LRRC37A: variants seen among roughly 807,000 people sequenced by gnomAD.
LRRC37A encodes the protein leucine-rich repeat-containing protein 37A.
Under a neutral mutation model 35.4 loss-of-function variants are expected in LRRC37A, and 3 were observed. The ratio of observed to expected loss-of-function variants is 0.08; its 90% CI spans 0.04 to 0.22. The LOEUF (loss-of-function observed/expected upper bound fraction) is 0.22, where lower values mean the gene tolerates loss of function less well. Ranked by LOEUF, LRRC37A falls within the 10% of genes least tolerant of loss-of-function variation. The pLI is 1.00. For synonymous variants in LRRC37A, 23 were observed against 215.0 expected (o/e 0.11, Z 7.81); for missense variants, 67 against 565.3 (o/e 0.12, Z 8.94).
chr17:46,263,326 C>T, the LRRC37A span, among the ~76,000 whole-genome samples: 1 of 151,042 alleles, frequency 6.6e-6, no homozygotes, highest in Non-Finnish European at 1.5e-5. Context: ...CTGAGGTGGG[C>T]AGATTACTTG....
chr17:46,288,696 C>CTTTTTTTTTT (rs2049984588), upstream of LRRC37A, among the ~76,000 whole-genome samples: 2 of 147,994 alleles, frequency 1.4e-5, no homozygotes, highest in Admixed American at 6.8e-5. Context: ...TTTACTGCAT[C>CTTTTTTTTTT]TTGTTTTTTC....
the LRRC37A span, among the ~76,000 whole-genome samples, chr17:46,269,829 A>T: frequency 6.6e-6 from 1 of 152,134 alleles, no homozygotes; most frequent in Non-Finnish European, 1.5e-5. Flanking sequence ...GCACCTGTTT[A>T]TTTTTGTTTT....
chr17:46,271,332 A>ATTTTTTTTTTTTTTTTTTTT, the LRRC37A span, among the ~76,000 whole-genome samples: 1 of 125,664 alleles, frequency 8.0e-6, no homozygotes, highest in Non-Finnish European at 1.6e-5. Context: ...TACCTAGCTA[A>ATTTTTTTTTTTTTTTTTTTT]TTTTTTTTTT....
the LRRC37A span, among the ~76,000 whole-genome samples, chr17:46,277,414 G>A: frequency 6.6e-6 from 1 of 152,220 alleles, no homozygotes; most frequent in African/African-American, 2.4e-5. Flanking sequence ...CACACCCCTT[G>A]GCTTCTACCT....
the LRRC37A span, among the ~76,000 whole-genome samples, chr17:46,257,829 A>G: frequency 6.6e-6 from 1 of 152,046 alleles, no homozygotes; most frequent in African/African-American, 2.4e-5. Context: ...TCAAAAAAAA[A>G]AAAAATGATC....
chr17:46,282,184 G>C, the LRRC37A span, among the ~76,000 whole-genome samples: 1 of 123,410 alleles, frequency 8.1e-6, no homozygotes, highest in African/African-American at 2.6e-5. Context: ...CTCACTGCAA[G>C]CTCTGTCTCC....
chr17:46,253,278 G>A, the LRRC37A span, among the ~76,000 whole-genome samples: 1 of 150,484 alleles, frequency 6.6e-6, no homozygotes, highest in African/African-American at 2.4e-5. Flanking sequence ...ATGGCGGCCG[G>A]GCAGAGACGC....
At chr17:46,291,969 CA>C (rs59554870), upstream of LRRC37A, among the ~76,000 whole-genome samples, 29,329 of 58,604 alleles carry the variant, frequency 0.5, 4,046 homozygotes, top group East Asian at 0.76. Context: ...TCTCAAAAAG[CA>C]AAAAAAAAAA....
upstream of LRRC37A, among the ~76,000 whole-genome samples, chr17:46,291,969 C>CAAAAAAAAAAAAAAAAAAAAAAAA (rs59554870): frequency 5.2e-5 from 3 of 58,086 alleles, no homozygotes; most frequent in South Asian, 8.1e-4. Flanking sequence ...TCTCAAAAAG[C>CAAAAAAAAAAAAAAAAAAAAAAAA]AAAAAAAAAA....
the LRRC37A span, chr17:46,260,373 C>G: frequency 6.8e-7 from 1 of 1,479,500 alleles, no homozygotes; most frequent in Admixed American, 2.2e-5. Context: ...CTCGTAGAGG[C>G]GGCCCACGCG....
chr17:46,281,936 G>A, the LRRC37A span, among the ~76,000 whole-genome samples: 287 of 151,872 alleles, frequency 1.9e-3, 2 homozygotes, highest in African/African-American at 3.6e-3. Flanking sequence ...GAGCCATCAC[G>A]CCTAGCCTAG....
the LRRC37A span, among the ~76,000 whole-genome samples, chr17:46,270,043 T>C: frequency 6.6e-6 from 1 of 152,220 alleles, no homozygotes; most frequent in East Asian, 1.9e-4. Context: ...ATGAGAGTAT[T>C]TTTTCAGAAG....
the LRRC37A span, among the ~76,000 whole-genome samples, chr17:46,257,342 G>A: frequency 6.6e-6 from 1 of 151,758 alleles, no homozygotes; most frequent in South Asian, 2.1e-4. Flanking sequence ...CAGTTACTCG[G>A]GAGGCTGAGG....
chr17:46,268,418 C>G, the LRRC37A span: 1 of 1,004,342 alleles, frequency 1.0e-6, no homozygotes, highest in Non-Finnish European at 1.3e-6. Flanking sequence ...TAGATTGCAG[C>G]TTAGGTATTT....
intron 9 of LRRC37A, 48 bp from the exon 10 acceptor site, chr17:46,332,504 A>C (rs201858633): frequency 1.6e-6 from 2 of 1,261,198 alleles, no homozygotes; most frequent in Middle Eastern, 2.2e-4. Context: ...TGGGGTTTTG[A>C]ATAGTTAGCT....
chr17:46,269,327 A>G, the LRRC37A span, among the ~76,000 whole-genome samples: 5 of 152,194 alleles, frequency 3.3e-5, no homozygotes. Flanking sequence ...TGAGGTCCGG[A>G]GTTCGAGACC....
At chr17:46,266,410 C>G in the LRRC37A span, among the ~76,000 whole-genome samples, 1 of 152,164 alleles carries the variant, frequency 6.6e-6, no homozygotes, top group African/African-American at 2.4e-5. Context: ...GACAACTTTG[C>G]GAGGCCATGT....
chr17:46,273,509 C>T, the LRRC37A span, among the ~76,000 whole-genome samples: 1 of 152,124 alleles, frequency 6.6e-6, no homozygotes, highest in Non-Finnish European at 1.5e-5. Context: ...TTTAAGAAAC[C>T]AAGGTCTGGG....
the LRRC37A span, among the ~76,000 whole-genome samples, chr17:46,262,991 T>C: frequency 6.6e-6 from 1 of 152,158 alleles, no homozygotes. Flanking sequence ...GGAGGTTAGT[T>C]AGCTTGAGCC....
Sources: allele counts gnomAD v4.1 joint callset (sites outside exome capture counted in the v4.1 genomes callset), GRCh38; gene constraint gnomAD v4.1.1; transcripts MANE v1.5; gene names NCBI Gene and HGNC (gene_info 2026-07-23, HGNC 2026-07-21).